Variants in ADGRB3 observed in about 807,000 individuals in gnomAD.
ADGRB3 encodes brain-specific angiogenesis inhibitor 3.
ADGRB3 carries 37 observed loss-of-function variants against 193.4 expected under a neutral mutation model. The observed-to-expected ratio is 0.19, with a 90% CI of 0.15 to 0.25. The LOEUF is 0.25. Ranked by LOEUF, ADGRB3 falls within the 10% of genes least tolerant of loss-of-function variation. The pLI is 1.00. For synonymous variants in ADGRB3, 690 were observed against 644.2 expected (o/e 1.07, Z -1.08); for missense variants, 1,637 against 1,852.9 (o/e 0.88, Z 2.14).
chr6:69,353,822 G>A (rs1453212884), intron 26 of ADGRB3, among the ~76,000 whole-genome samples: 1 of 152,160 alleles, frequency 6.6e-6, no homozygotes, highest in Non-Finnish European at 1.5e-5. Context: ...CCAGCACTTT[G>A]AGGGGCCGAG....
At chr6:68,720,211 T>TTTTC (rs1765553076) in intron 3 of ADGRB3, among the ~76,000 whole-genome samples, 1 of 151,652 alleles carries the variant, frequency 6.6e-6, no homozygotes, top group African/African-American at 2.4e-5. Context: ...TTTCTGGAAG[T>TTTTC]TGATTTTTCT....
chr6:69,030,426 T>C (rs1046023893), intron 13 of ADGRB3, among the ~76,000 whole-genome samples: 1 of 152,184 alleles, frequency 6.6e-6, no homozygotes. Context: ...CATGGAATAC[T>C]GTGCAGCCAT....
At chr6:69,057,963 T>G (rs1402252761) in intron 15 of ADGRB3, among the ~76,000 whole-genome samples, 1 of 151,946 alleles carries the variant, frequency 6.6e-6, no homozygotes, top group Non-Finnish European at 1.5e-5. Context: ...ATAATGGGTT[T>G]AAAAGTGCTC....
At chr6:68,765,348 C>T (rs1397988042) in intron 3 of ADGRB3, among the ~76,000 whole-genome samples, 1 of 152,042 alleles carries the variant, frequency 6.6e-6, no homozygotes, top group Non-Finnish European at 1.5e-5. Flanking sequence ...AAGGAAGTTA[C>T]TTTCTACCCC....
chr6:69,241,787 G>A (rs1582571108), intron 20 of ADGRB3, among the ~76,000 whole-genome samples: 1 of 151,902 alleles, frequency 6.6e-6, no homozygotes, highest in Admixed American at 6.6e-5. Context: ...AAGTGGTTTT[G>A]TATCAGATTG....
intron 3 of ADGRB3, among the ~76,000 whole-genome samples, chr6:68,836,892 G>T (rs117260964): frequency 0.021 from 3,203 of 152,114 alleles, 51 homozygotes; most frequent in Non-Finnish European, 0.031. Context: ...ATGATGCATG[G>T]AACTTCAGAA....
intron 3 of ADGRB3, among the ~76,000 whole-genome samples, chr6:68,744,813 C>T (rs1766051116): frequency 6.6e-6 from 1 of 152,050 alleles, no homozygotes; most frequent in Non-Finnish European, 1.5e-5. Context: ...GTGCAGCAAA[C>T]CACCATGGCA....
At chr6:68,999,905 T>C (rs556595645) in intron 11 of ADGRB3, among the ~76,000 whole-genome samples, 12 of 152,228 alleles carry the variant, frequency 7.9e-5, no homozygotes, top group Non-Finnish European at 1.5e-4. Context: ...TTGAGGAACT[T>C]ACATTGTTTC....
chr6:68,759,347 C>G (rs1488551167), intron 3 of ADGRB3, among the ~76,000 whole-genome samples: 2 of 152,012 alleles, frequency 1.3e-5, no homozygotes, highest in Non-Finnish European at 2.9e-5. Context: ...TTTATCAGTT[C>G]AAAAGCATTT....
chr6:68,853,851 A>C (rs755373541), intron 3 of ADGRB3, among the ~76,000 whole-genome samples: 1 of 152,226 alleles, frequency 6.6e-6, no homozygotes, highest in Non-Finnish European at 1.5e-5. Flanking sequence ...TAAGGGTAAC[A>C]TAGATTATCA....
intron 20 of ADGRB3, among the ~76,000 whole-genome samples, chr6:69,313,197 A>C (rs1161621952): frequency 6.6e-6 from 1 of 151,882 alleles, no homozygotes; most frequent in African/African-American, 2.4e-5. Flanking sequence ...GCTTCGCCCT[A>C]GACAGATTAC....
chr6:68,764,497 A>C (rs1351731664), intron 3 of ADGRB3, among the ~76,000 whole-genome samples: 1 of 152,186 alleles, frequency 6.6e-6, no homozygotes, highest in African/African-American at 2.4e-5. Flanking sequence ...CTGCTCGAGC[A>C]GACTCTGAAA....
intron 20 of ADGRB3, among the ~76,000 whole-genome samples, chr6:69,321,441 G>A (rs577986979): frequency 9.9e-5 from 15 of 151,838 alleles, no homozygotes; most frequent in Middle Eastern, 3.4e-3. Context: ...AGTGGAAGTC[G>A]ACACATGGAG....
At chr6:68,980,687 C>T (rs1216423745) in intron 10 of ADGRB3, among the ~76,000 whole-genome samples, 2 of 151,472 alleles carry the variant, frequency 1.3e-5, no homozygotes, top group Non-Finnish European at 3.0e-5. Context: ...TAAACAAATG[C>T]CGAGGTTCAG....
At chr6:69,028,486 C>A (rs182839223) in intron 13 of ADGRB3, among the ~76,000 whole-genome samples, 1 of 152,160 alleles carries the variant, frequency 6.6e-6, no homozygotes, top group East Asian at 1.9e-4. Context: ...ATAGTTATAA[C>A]CCTGGACTTT....
chr6:68,850,342 T>A (rs962320610), intron 3 of ADGRB3, among the ~76,000 whole-genome samples: 1 of 152,034 alleles, frequency 6.6e-6, no homozygotes, highest in African/African-American at 2.4e-5. Flanking sequence ...ATAGCCTTTA[T>A]CTCTGAATAA....
intron 17 of ADGRB3, among the ~76,000 whole-genome samples, chr6:69,140,053 T>C (rs1774282550): frequency 6.6e-6 from 1 of 152,218 alleles, no homozygotes; most frequent in African/African-American, 2.4e-5. Flanking sequence ...ATTCACTGAA[T>C]ATTCCATTTA....
intron 20 of ADGRB3, among the ~76,000 whole-genome samples, chr6:69,286,632 A>G (rs567075203): frequency 1.3e-5 from 2 of 152,334 alleles, no homozygotes; most frequent in African/African-American, 4.8e-5. Context: ...GTTGCCATCC[A>G]AAATATTAGA....
chr6:68,857,555 T>C (rs1765023005), intron 3 of ADGRB3, among the ~76,000 whole-genome samples: 1 of 152,184 alleles, frequency 6.6e-6, no homozygotes, highest in Non-Finnish European at 1.5e-5. Flanking sequence ...ATGTCTCCCA[T>C]TTGGAATGGC....
Sources: gnomAD v4.1 joint callset for allele counts (sites outside exome capture counted in the v4.1 genomes callset) on GRCh38, gnomAD v4.1.1 for gene constraint, MANE v1.5 for transcripts, NCBI Gene and HGNC (gene_info 2026-07-23, HGNC 2026-07-21) for gene names.